HABP4: variants seen among roughly 807,000 people sequenced by gnomAD.
HABP4 encodes hyaluronan binding protein 4.
A neutral mutation model predicts 44.1 loss-of-function variants in HABP4; 32 were observed. That is an observed-to-expected ratio of 0.73 (90% CI 0.55 to 0.97). The LOEUF is 0.97. Among genes scored for constraint, HABP4 ranks in the 50% least tolerant of loss-of-function variants. The pLI is 0.00. For synonymous variants in HABP4, 216 were observed against 218.0 expected, an observed-to-expected ratio of 0.99 and a Z score of 0.08; for missense variants, 503 against 561.9, an observed-to-expected ratio of 0.90 and a Z score of 1.06.
intron 4 of HABP4, among the ~76,000 whole-genome samples, chr9:96,467,279 A>G (rs1042746184): frequency 1.3e-5 from 2 of 152,130 alleles, no homozygotes; most frequent in Non-Finnish European, 2.9e-5. Context: ...CTTAAAGACA[A>G]ATGTACAAAC....
At chr9:96,457,017 A>G (rs926801889) in intron 1 of HABP4, among the ~76,000 whole-genome samples, 46 of 151,928 alleles carry the variant, frequency 3.0e-4, no homozygotes, top group Admixed American at 2.6e-3. Context: ...CAAGTATTAG[A>G]TGGCTTCAAA....
chr9:96,465,667 G>A, intron 3 of HABP4, 43 bp from the exon 4 acceptor site: 7 of 1,350,948 alleles, frequency 5.2e-6, no homozygotes, highest in Non-Finnish European at 7.4e-6. Flanking sequence ...AGATTGACTG[G>A]AGACTAGCTT....
intron 2 of HABP4, among the ~76,000 whole-genome samples, chr9:96,463,305 A>G (rs543146789): frequency 1.3e-5 from 2 of 151,962 alleles, no homozygotes; most frequent in Non-Finnish European, 2.9e-5. Context: ...CCCGGGCTGG[A>G]GTGCAGTGGT....
At position 96,471,099 on chromosome 9, in the gene HABP4, G is replaced by T; in HGVS notation, c.827+5G>T. On this transcript the variant is annotated splice_donor_5th_base_variant and intron_variant, in intron 5 of 7. Transcript: ENST00000375249. ...GGAAGAGGAGTCTCCAGCCAAGTAGGGCATTTTGTTCATTCCCCATTGTGG... is the reference window on the plus strand; with the variant it reads ...GGAAGAGGAGTCTCCAGCCAAGTAGTGCATTTTGTTCATTCCCCATTGTGG... The T allele has an allele frequency of 6.8e-7, 1 of 1,479,258 alleles. No individual in the cohort carries two copies. The highest frequency in any genetic ancestry group is 9.5e-7 in the Non-Finnish European group (1 of 1,056,948). The allele number at this position is 1,479,258 out of a possible 1,614,324, so 91.6% of individuals were successfully genotyped here. A position where few individuals can be genotyped will look rare whatever the true frequency, so the allele number is the denominator to read the frequency against.
chr9:96,450,179 G>GGGCGGTGGC lies in HABP4; in HGVS notation c.-95_-87dup. 2 of 1,166,032 alleles carry GGGCGGTGGC rather than the reference G, an allele frequency of 1.7e-6. No individual in the cohort carries two copies. Among genetic ancestry groups the GGGCGGTGGC allele is most frequent in the Non-Finnish European group, 2.1e-6 (2 of 936,260 alleles). The allele number at this position is 1,166,032 out of a possible 1,614,324, so 72.2% of individuals were successfully genotyped here. ...GGGGCCGGACAGGGTAGGGCCCGGA[G>GGGCGGTGGC]GGCGGTGGCGGCGGAGCGGGCGGCA... is the stretch of plus-strand genomic sequence containing the variant. On this transcript the variant is annotated 5_prime_UTR_variant, in exon 1 of 8. Coordinates refer to ENST00000375249, the MANE Select transcript of HABP4 (RefSeq NM_014282.4). This position sits in a 1 kb window ranked among gnomAD's most constrained non-coding sequence, Gnocchi z 4.8.
intron 1 of HABP4, among the ~76,000 whole-genome samples, chr9:96,451,650 C>T (rs909547581): frequency 6.6e-6 from 1 of 152,174 alleles, no homozygotes; most frequent in African/African-American, 2.4e-5. Context: ...TGATGTGCAG[C>T]TGGGTAATGT....
chr9:96,464,907 G>T (rs941305621), intron 2 of HABP4, among the ~76,000 whole-genome samples: 5 of 152,140 alleles, frequency 3.3e-5, no homozygotes, highest in African/African-American at 9.7e-5. Context: ...TTAACTTAAA[G>T]ATTTGGTATT....
At chr9:96,470,641 G>A (rs1234458308) in intron 4 of HABP4, among the ~76,000 whole-genome samples, 2 of 151,794 alleles carry the variant, frequency 1.3e-5, no homozygotes, top group East Asian at 1.9e-4. Context: ...ACAGCAGCTC[G>A]TAACTGTAAC....
At chr9:96,468,697 AAGCTCTT>A (rs1832648225) in intron 4 of HABP4, among the ~76,000 whole-genome samples, 1 of 152,204 alleles carries the variant, frequency 6.6e-6, no homozygotes, top group African/African-American at 2.4e-5. Flanking sequence ...CAGCTAGTCA[AAGCTCTT>A]AGGTGGTTAT....
intron 6 of HABP4, among the ~76,000 whole-genome samples, chr9:96,487,047 G>C (rs1832987119): frequency 6.6e-6 from 1 of 151,936 alleles, no homozygotes; most frequent in African/African-American, 2.4e-5. Flanking sequence ...CAGTGCTCCT[G>C]GACTGTTTTT....
At chr9:96,469,713 G>A (rs1832661554) in intron 4 of HABP4, among the ~76,000 whole-genome samples, 1 of 152,122 alleles carries the variant, frequency 6.6e-6, no homozygotes. Flanking sequence ...GGTAGAGACG[G>A]TGTTTCACCA....
intron 2 of HABP4, 72 bp downstream of exon 2, chr9:96,458,613 CT>C: frequency 2.3e-6 from 2 of 860,608 alleles, no homozygotes; most frequent in South Asian, 1.7e-5. Flanking sequence ...CTTTCTTTTT[CT>C]TTTCTTTCTT....
intron 5 of HABP4, among the ~76,000 whole-genome samples, chr9:96,473,278 C>A (rs1233915225): frequency 2.0e-5 from 3 of 152,196 alleles, no homozygotes; most frequent in Admixed American, 6.5e-5. Context: ...TGAGCTGACT[C>A]CTCCCCACAC....
At chr9:96,477,370 G>T (rs910191904) in intron 5 of HABP4, among the ~76,000 whole-genome samples, 2 of 152,134 alleles carry the variant, frequency 1.3e-5, no homozygotes, top group African/African-American at 4.8e-5. Flanking sequence ...TAAAGAACTT[G>T]TAAGTAAGTT....
Position 96,450,406 on chromosome 9 carries a change from C to A in HABP4, c.127C>A (p.Arg43Ser). Residue 43 changes from arginine to serine, a missense_variant, in exon 1 of 8, where the codon CGC becomes AGC. Arg to Ser is a moderately radical substitution (Grantham distance 110). This residue lies in a region of HABP4 where 290 missense variants were observed against 300.5 expected (regional missense o/e 0.97). Coordinates refer to ENST00000375249, the MANE Select transcript of HABP4 (RefSeq NM_014282.4). This position sits in a 1 kb window ranked among gnomAD's most constrained non-coding sequence, Gnocchi z 4.8. ...DDESDPFDIL[R>S]EAERRRQQQL... ...CGAGTCGGACCCGTTCGACATCCTG[C>A]GCGAGGCCGAGCGCCGGCGCCAGCA... The A allele has an allele frequency of 1.5e-6, 2 of 1,307,688 alleles. No individual in the cohort carries two copies. The highest frequency in any genetic ancestry group is 1.0e-6 in the Non-Finnish European group (1 of 1,004,016). The allele number at this position is 1,307,688 out of a possible 1,614,324, so 81.0% of individuals were successfully genotyped here. A position where few individuals can be genotyped will look rare whatever the true frequency, so the allele number is the denominator to read the frequency against.
intron 1 of HABP4, among the ~76,000 whole-genome samples, chr9:96,454,476 AG>A: frequency 7.9e-6 from 1 of 126,902 alleles, no homozygotes. Context: ...TTTGAGACGG[AG>A]TCTCGCTCTG....
chr9:96,487,574 TATA>T (rs1211347513), intron 6 of HABP4, among the ~76,000 whole-genome samples: 1 of 152,210 alleles, frequency 6.6e-6, no homozygotes, highest in African/African-American at 2.4e-5. Flanking sequence ...CACATGGTAT[TATA>T]ATCAGCACCC....
In HABP4 at chr9:96,450,204, A is replaced by G. The variant is rs570845103; in HGVS notation, c.-76A>G. On this transcript the variant is annotated 5_prime_UTR_variant, in exon 1 of 8. It removes an upstream start codon present in the reference 5' UTR. Coordinates refer to ENST00000375249, the MANE Select transcript of HABP4 (RefSeq NM_014282.4). This position sits in a 1 kb window ranked among gnomAD's most constrained non-coding sequence, Gnocchi z 4.8. ...GGGCGGTGGCGGCGGAGCGGGCGGC[A>G]TGGGTCCTGGCCGCCGGCTTCGCTG... 19 of 1,221,938 alleles carry G rather than the reference A, an allele frequency of 1.6e-5. No individual in the cohort carries two copies. Among genetic ancestry groups the G allele is most frequent in the African/African-American group, 4.8e-5 (3 of 62,364 alleles). The allele number at this position is 1,221,938 out of a possible 1,614,324, so 75.7% of individuals were successfully genotyped here.
chr9:96,476,497 A>C (rs1196213756), intron 5 of HABP4, among the ~76,000 whole-genome samples: 1 of 152,232 alleles, frequency 6.6e-6, no homozygotes, highest in Non-Finnish European at 1.5e-5. Context: ...ATTTTGATGG[A>C]AAATTCCCTC....
Sources: allele counts gnomAD v4.1 joint callset (sites outside exome capture counted in the v4.1 genomes callset), GRCh38; gene constraint gnomAD v4.1.1; regional missense constraint gnomAD v4.1.1; non-coding constraint Gnocchi (gnomAD v3.1); transcripts MANE v1.5; gene names NCBI Gene and HGNC (gene_info 2026-07-23, HGNC 2026-07-21).